The following FKRP variants were observed in gnomAD, a reference collection of about 807,000 sequenced individuals.
FKRP encodes fukutin related protein, also known as ribitol 5-phosphate transferase FKRP.
FKRP carries 25 observed loss-of-function variants against 30.6 expected under a neutral mutation model. The observed-to-expected ratio is 0.82, with a 90% confidence interval of 0.60 to 1.14. FKRP has a LOEUF of 1.14. Among genes scored for constraint, FKRP ranks in the 50% most tolerant of loss-of-function variants. The pLI, the probability that FKRP is intolerant of heterozygous loss-of-function variation, is 0.00. For synonymous variants in FKRP, 358 were observed against 342.5 expected (o/e 1.05, Z -0.50); for missense variants, 771 against 727.8 (o/e 1.06, Z -0.68).
Position 46,756,872 on chromosome 19 carries a change from G to C in FKRP, c.1422G>C (p.Gly474=). 6.2e-7 allele frequency: 1 copy of C among 1,611,756 alleles called. No homozygotes were observed. Among genetic ancestry groups the C allele is most frequent in the Non-Finnish European group, 8.5e-7 (1 of 1,179,472 alleles). ...NYRRFLELKF[G]PGVIENPQYP... Reference sequence around the variant, plus strand: ...GCCGCTTCCTGGAGCTCAAGTTCGGGCCCGGGGTCATCGAGAACCCCCAGT... The same window carrying C: ...GCCGCTTCCTGGAGCTCAAGTTCGGCCCCGGGGTCATCGAGAACCCCCAGT... The change falls in exon 4 of 4, where the codon GGG becomes GGC. Residue 474 remains glycine, a synonymous_variant. Transcript: ENST00000318584. The surrounding 1 kb of genome is among the most constrained non-coding windows in gnomAD (Gnocchi z 6.6).
chr19:46,755,807 C>G lies in FKRP; in HGVS notation c.357C>G (p.Thr119=), dbSNP rs1250451372. The change falls in exon 4 of 4, where the codon ACC becomes ACG. Residue 119 remains threonine (T), a synonymous_variant. Transcript: ENST00000318584. ...CAGCCGCAGCCTCGCGCCCGGAGAC[C>G]TACGTGGCCACCGAGTTTGTGGCCC... The part of the protein sequence containing the change: ...DRPAAASRPE[T]YVATEFVALV... 1.9e-5 allele frequency: 29 copies of G among 1,514,736 alleles called. No individual in the cohort carries two copies. In the East Asian group the frequency reaches 7.1e-4, roughly 37 times the overall value. The allele number at this position is 1,514,736 out of a possible 1,614,324, so 93.8% of individuals were successfully genotyped here.
At chr19:46,747,358 C>A (rs1217893327) in intron 1 of FKRP, 1 of 151,802 alleles carries the variant, frequency 6.6e-6, no homozygotes, top group African/African-American at 2.4e-5. Flanking sequence ...TTCGAGTGAC[C>A]CTAGGAACCA....
rs1413156584 is a variant in FKRP at position 46,756,568 on chromosome 19, G to A, written c.1118G>A (p.Gly373Asp). 1.2e-6 allele frequency: 2 copies of A among 1,608,516 alleles called. No homozygotes were observed. Among genetic ancestry groups the A allele is most frequent in the Non-Finnish European group, 1.7e-6 (2 of 1,178,224 alleles). ...VDLGIYLEDV[G>D]NCEQLRGAEA... ...CTGGGCATCTACTTGGAGGACGTGGGCAACTGCGAGCAGCTGCGGGGGGCA... is the reference window on the plus strand; with the variant it reads ...CTGGGCATCTACTTGGAGGACGTGGACAACTGCGAGCAGCTGCGGGGGGCA... Residue 373 changes from glycine (G) to aspartate (D), a missense_variant, in exon 4 of 4, where the codon GGC becomes GAC. By Grantham distance (94) the Gly-to-Asp change is moderately conservative (BLOSUM62 -1). Transcript: ENST00000318584. The surrounding 1 kb of genome is among the most constrained non-coding windows in gnomAD (Gnocchi z 6.6).
At position 46,758,388 on chromosome 19, in the gene FKRP, C is replaced by T. The variant is rs550868250; in HGVS notation, c.*1450C>T. The T allele has an allele frequency of 1.2e-5, 2 of 166,940 alleles. No individual in the cohort carries two copies. The highest frequency in any genetic ancestry group is 1.3e-4 in the Admixed American group (2 of 15,292). The allele number at this position is 166,940 out of a possible 1,614,324, so 10.3% of individuals were successfully genotyped here. A position where few individuals can be genotyped will look rare whatever the true frequency, so the allele number is the denominator to read the frequency against. On this transcript the variant is annotated 3_prime_UTR_variant, in exon 4 of 4. Coordinates refer to ENST00000318584, the MANE Select transcript of FKRP (RefSeq NM_024301.5). The stretch of plus-strand genomic sequence containing the variant: ...CACCTAAGAATAAATGGTATTTGGG[C>T]ATGTATTCCCAATATGTGTATATTT...
chr19:46,756,780 C>A lies in FKRP; in HGVS notation c.1330C>A (p.His444Asn). The change falls in exon 4 of 4, where the codon CAC (histidine) becomes AAC (asparagine). Residue 444 changes from histidine (H) to asparagine (N), a missense_variant. Physicochemically the swap from His to Asn is moderately conservative, Grantham distance 68. Transcript: ENST00000318584. This position sits in a 1 kb window ranked among gnomAD's most constrained non-coding sequence, Gnocchi z 6.6. The stretch of plus-strand genomic sequence containing the variant: ...CCGGCAGGATGTGGAGTTTCCCGAG[C>A]ACTTCCTGCAGCCGCTGGTGCCCCT... ...DHRQDVEFPE[H>N]FLQPLVPLPF... The A allele has an allele frequency of 6.2e-7, 1 of 1,602,382 alleles. No individual in the cohort carries two copies.
chr19:46,755,051 G>A (rs2054878925), intron 3 of FKRP, among the ~76,000 whole-genome samples: 1 of 151,724 alleles, frequency 6.6e-6, no homozygotes. Flanking sequence ...ATACTGTTGT[G>A]CCAACAAACC....
In FKRP at chr19:46,756,798, G is replaced by A. The variant is rs1336092996; in HGVS notation, c.1348G>A (p.Val450Met). Residue 450 changes from valine (V) to methionine (M), a missense_variant, in exon 4 of 4, where the codon GTG becomes ATG. By Grantham distance (21) the Val-to-Met change is conservative. Transcript: ENST00000318584. This position sits in a 1 kb window ranked among gnomAD's most constrained non-coding sequence, Gnocchi z 6.6. ...EFPEHFLQPL[V>M]PLPFAGFVAQ... ...TCCCGAGCACTTCCTGCAGCCGCTG[G>A]TGCCCCTGCCCTTTGCCGGCTTCGT... is the stretch of plus-strand genomic sequence containing the variant. The A allele has an allele frequency of 8.1e-6, 13 of 1,601,010 alleles. No individual in the cohort carries two copies. The highest frequency in any genetic ancestry group is 1.0e-5 in the Non-Finnish European group (12 of 1,174,424).
At chr19:46,749,734 A>AG (rs973532256) in intron 3 of FKRP, among the ~76,000 whole-genome samples, 5 of 151,512 alleles carry the variant, frequency 3.3e-5, no homozygotes, top group African/African-American at 1.2e-4. Context: ...AAAAAAAAAA[A>AG]AAAAAAAGAG....
At chr19:46,749,408 CTTTTTTTTTTTT>C (rs34544320) in intron 3 of FKRP, among the ~76,000 whole-genome samples, 1 of 114,852 alleles carries the variant, frequency 8.7e-6, no homozygotes, top group Non-Finnish European at 1.7e-5. Context: ...CCTTTGTTTC[CTTTTTTTTTTTT>C]TTTTTTTTTG....
intron 1 of FKRP, chr19:46,747,801 G>C (rs2054691708): frequency 6.6e-6 from 1 of 152,094 alleles, no homozygotes; most frequent in Non-Finnish European, 1.5e-5. Context: ...TACCTTTTCT[G>C]GACACATTCA....
chr19:46,745,511 G>GC (rs1174241061), upstream of FKRP, among the ~76,000 whole-genome samples: 1 of 151,342 alleles, frequency 6.6e-6, no homozygotes, highest in Non-Finnish European at 1.5e-5. Context: ...CCGTCCAGTC[G>GC]CCCCGAAACA....
Position 46,746,227 on chromosome 19 carries a change from G to A in FKRP, c.-253+137G>A, listed in dbSNP as rs763969884. 72 of 1,531,272 alleles carry A rather than the reference G, an allele frequency of 4.7e-5. 2 individuals are homozygous for A. In the Admixed American group the frequency reaches 6.3e-4, roughly 13 times the overall value. 94.9% of individuals were successfully genotyped at this position (1,531,272 alleles called of 1,614,324 possible). On this transcript the variant is annotated intron_variant, in intron 1 of 3. Transcript: ENST00000318584. ...CCCACTCGTGCTGGATAAAGTGCAG[G>A]ATCCCCGGCAGGCTCAGGGGCTCCG...
rs1487692668 is a variant in FKRP, at chr19:46,757,148, T to C, written c.*210T>C. On this transcript the variant is annotated 3_prime_UTR_variant, in exon 4 of 4. Coordinates refer to ENST00000318584, the MANE Select transcript of FKRP (RefSeq NM_024301.5). ...GGAAGCGACCTCCAGATTTATCAAA[T>C]GGTCATGCCCACTGGGAGCCGTGGA... The C allele has an allele frequency of 1.3e-5, 9 of 680,382 alleles. No individual in the cohort carries two copies. In the African/African-American group the frequency reaches 1.6e-4, roughly 12 times the overall value. The allele number at this position is 680,382 out of a possible 1,614,324, so 42.1% of individuals were successfully genotyped here.
At chr19:46,755,012 C>T (rs1038805426) in intron 3 of FKRP, among the ~76,000 whole-genome samples, 3 of 151,828 alleles carry the variant, frequency 2.0e-5, no homozygotes, top group Non-Finnish European at 2.9e-5. Flanking sequence ...CATTTTTCAG[C>T]ACACAGTTCA....
intron 3 of FKRP, among the ~76,000 whole-genome samples, chr19:46,749,408 C>CTT (rs34544320): frequency 0.088 from 10,056 of 114,768 alleles, 608 homozygotes; most frequent in Middle Eastern, 0.13. Flanking sequence ...CCTTTGTTTC[C>CTT]TTTTTTTTTT....
At chr19:46,748,868 A>T (rs923975279) in intron 3 of FKRP, 10 of 149,974 alleles carry the variant, frequency 6.7e-5, no homozygotes, top group African/African-American at 2.3e-4. Context: ...CAGCCTCCCC[A>T]ATAGCTGGGA....
At position 46,756,722 on chromosome 19, in the gene FKRP, T is replaced by C. The variant is rs2054935900; in HGVS notation, c.1272T>C (p.Asn424=). 6.2e-6 allele frequency: 10 copies of C among 1,611,728 alleles called. No homozygotes were observed. The highest frequency in any genetic ancestry group is 8.5e-6 in the Non-Finnish European group (10 of 1,179,114). The change falls in exon 4 of 4, where the codon AAT becomes AAC. Residue 424 remains asparagine (N), a synonymous_variant. Coordinates refer to ENST00000318584, the MANE Select transcript of FKRP (RefSeq NM_024301.5). The surrounding 1 kb of genome is among the most constrained non-coding windows in gnomAD (Gnocchi z 6.6). The part of the protein sequence containing the change: ...HVDLWPFYPR[N]GVMTKDTWLD... ...ACCTGTGGCCCTTCTACCCCCGCAA[T>C]GGCGTCATGACCAAGGACACGTGGC...
rs565563742 is a variant in FKRP, at chr19:46,755,504, T to A, written c.54T>A (p.Leu18=). 4.0e-5 allele frequency: 64 copies of A among 1,611,080 alleles called. No homozygotes were observed. In the East Asian group the frequency reaches 1.4e-3, roughly 34 times the overall value. The change falls in exon 4 of 4, where the codon CTT becomes CTA. Residue 18 remains leucine, a synonymous_variant. Transcript: ENST00000318584. ...AALAAAITLN[L]LVLFYVSWLQ... is the part of the protein sequence containing the mutation. Reference sequence around the variant, plus strand: ...TGGCGGCCGCCATCACCCTCAACCTTCTGGTCCTCTTCTATGTCTCGTGGC... The same window carrying A: ...TGGCGGCCGCCATCACCCTCAACCTACTGGTCCTCTTCTATGTCTCGTGGC...
rs1268324104 is a variant in FKRP at position 46,756,564 on chromosome 19, G to A, written c.1114G>A (p.Val372Met). 1.9e-6 allele frequency: 3 copies of A among 1,608,352 alleles called. No homozygotes were observed. Among genetic ancestry groups the A allele is most frequent in the African/African-American group, 1.3e-5 (1 of 75,024 alleles). Reference protein sequence around the residue: ...DVDLGIYLEDVGNCEQLRGAE... With the variant: ...DVDLGIYLEDMGNCEQLRGAE... ...GGACCTGGGCATCTACTTGGAGGACGTGGGCAACTGCGAGCAGCTGCGGGG... is the reference window on the plus strand; with the variant it reads ...GGACCTGGGCATCTACTTGGAGGACATGGGCAACTGCGAGCAGCTGCGGGG... Residue 372 changes from valine (V) to methionine (M), a missense_variant, in exon 4 of 4, where the codon GTG becomes ATG. Transcript: ENST00000318584. This position sits in a 1 kb window ranked among gnomAD's most constrained non-coding sequence, Gnocchi z 6.6.
Sources: gnomAD v4.1 joint callset for allele counts (sites outside exome capture counted in the v4.1 genomes callset) on GRCh38, gnomAD v4.1.1 for gene constraint, Gnocchi (gnomAD v3.1) non-coding constraint, MANE v1.5 for transcripts, NCBI Gene and HGNC (gene_info 2026-07-23, HGNC 2026-07-21) for gene names.